The following ADAMTS6 variants were observed in gnomAD, a reference collection of about 807,000 sequenced individuals.
ADAMTS6 encodes the protein ADAM metallopeptidase with thrombospondin type 1 motif 6.
A neutral mutation model predicts 144.3 loss-of-function variants in ADAMTS6; 23 were observed. The ratio of observed to expected loss-of-function variants is 0.16; its 90% CI spans 0.11 to 0.23. The LOEUF (loss-of-function observed/expected upper bound fraction) is 0.23. ADAMTS6 is among the 10% of genes least tolerant of loss of function. The probability of loss-of-function intolerance (pLI) is 1.00; values close to 1 mark genes in which losing one functional copy is unlikely to be tolerated. For synonymous variants in ADAMTS6, 444 were observed against 457.5 expected, an observed-to-expected ratio of 0.97 and a Z score of 0.38; for missense variants, 999 against 1,379.6, an observed-to-expected ratio of 0.72 and a Z score of 4.37.
In ADAMTS6 at chr5:65,214,407, A is replaced by C. The variant is rs1756753746; in HGVS notation, c.2575+387T>G. ...ACACACACAACAAGCACACAGCCGTACATTCTCATCTCCCATTACAAGAAG... is the reference window on the plus strand; with the variant it reads ...ACACACACAACAAGCACACAGCCGTCCATTCTCATCTCCCATTACAAGAAG... On this transcript the variant is annotated intron_variant, in intron 20 of 24. Coordinates refer to ENST00000381055, the MANE Select transcript of ADAMTS6 (RefSeq NM_197941.4). This position sits in a 1 kb window ranked among gnomAD's most constrained non-coding sequence, Gnocchi z 4.6. 2.9e-6 allele frequency: 1 copy of C among 349,488 alleles called. No individual in the cohort carries two copies. Among genetic ancestry groups the C allele is most frequent in the African/African-American group, 2.1e-5 (1 of 46,800 alleles). The allele number at this position is 349,488 out of a possible 1,614,324, so 21.6% of individuals were successfully genotyped here. A position where few individuals can be genotyped will look rare whatever the true frequency, so the allele number is the denominator to read the frequency against.
intron 7 of ADAMTS6, among the ~76,000 whole-genome samples, chr5:65,445,906 C>T (rs1331527277): frequency 6.6e-6 from 1 of 152,086 alleles, no homozygotes; most frequent in Non-Finnish European, 1.5e-5. Context: ...CCAATCATTG[C>T]AATTCACTGT....
At chr5:65,351,927 T>G (rs1423227040) in intron 7 of ADAMTS6, among the ~76,000 whole-genome samples, 1 of 152,194 alleles carries the variant, frequency 6.6e-6, no homozygotes, top group Non-Finnish European at 1.5e-5. Context: ...GAAGTACACA[T>G]AGCCAGATAA....
chr5:65,244,829 G>T (rs1013355320), intron 14 of ADAMTS6, among the ~76,000 whole-genome samples: 5 of 152,222 alleles, frequency 3.3e-5, no homozygotes, highest in African/African-American at 1.2e-4. Flanking sequence ...ACAGGTTTTA[G>T]CTTCCTTAAA....
At chr5:65,456,926 T>C (rs1759255191) in intron 4 of ADAMTS6, among the ~76,000 whole-genome samples, 1 of 152,226 alleles carries the variant, frequency 6.6e-6, no homozygotes, top group Non-Finnish European at 1.5e-5. Context: ...GATAAATATG[T>C]CCTGTGTCAA....
chr5:65,281,211 G>C (rs1359028321), intron 11 of ADAMTS6, among the ~76,000 whole-genome samples: 1 of 152,024 alleles, frequency 6.6e-6, no homozygotes, highest in Admixed American at 6.6e-5. Context: ...AGCTCTGTTC[G>C]ATATCAATGT....
intron 14 of ADAMTS6, among the ~76,000 whole-genome samples, chr5:65,242,547 T>G (rs963127077): frequency 2.0e-5 from 3 of 152,110 alleles, no homozygotes; most frequent in Admixed American, 2.0e-4. Context: ...ACAAAATCCT[T>G]TGTGTTAACA....
chr5:65,200,096 A>G (rs1755637669), intron 20 of ADAMTS6, among the ~76,000 whole-genome samples: 1 of 152,168 alleles, frequency 6.6e-6, no homozygotes, highest in Admixed American at 6.5e-5. Context: ...AGAATTGACT[A>G]TATCAGTAAT....
At chr5:65,347,292 C>T (rs780791313) in intron 7 of ADAMTS6, among the ~76,000 whole-genome samples, 12 of 151,570 alleles carry the variant, frequency 7.9e-5, no homozygotes, top group Non-Finnish European at 1.5e-4. Context: ...TACCACATTT[C>T]GAAAAACAGA....
At chr5:65,196,276 C>A (rs575804897) in intron 21 of ADAMTS6, among the ~76,000 whole-genome samples, 2 of 152,138 alleles carry the variant, frequency 1.3e-5, no homozygotes, top group South Asian at 2.1e-4. Flanking sequence ...GTGGCTCATG[C>A]CTGTAATCCC....
chr5:65,275,420 G>GAAAGA (rs1762448172), intron 11 of ADAMTS6, among the ~76,000 whole-genome samples: 4 of 135,502 alleles, frequency 3.0e-5, no homozygotes, highest in African/African-American at 8.4e-5. Context: ...AGAAAGAAAA[G>GAAAGA]AAAGAAAGAA....
At chr5:65,336,971 T>C (rs1028290905) in intron 7 of ADAMTS6, among the ~76,000 whole-genome samples, 2 of 152,118 alleles carry the variant, frequency 1.3e-5, no homozygotes, top group Non-Finnish European at 2.9e-5. Context: ...ATTCTTATAA[T>C]TGCCTTCCCT....
chr5:65,226,793 G>C (rs1385704307), intron 15 of ADAMTS6, among the ~76,000 whole-genome samples: 1 of 152,134 alleles, frequency 6.6e-6, no homozygotes, highest in Admixed American at 6.5e-5. Flanking sequence ...ATGTTAGTCA[G>C]GCTGGCCTTG....
chr5:65,230,307 TATATGAA>T (rs1580125525), intron 15 of ADAMTS6, among the ~76,000 whole-genome samples: 1 of 108,968 alleles, frequency 9.2e-6, no homozygotes, highest in African/African-American at 3.8e-5. Context: ...TATATATATA[TATATGAA>T]ATATATATAA....
Position 65,452,865 on chromosome 5 carries a change from A to C in ADAMTS6, c.685T>G (p.Tyr229Asp), listed in dbSNP as rs1758862462. The C allele has an allele frequency of 1.9e-6, 3 of 1,614,098 alleles. No individual in the cohort carries two copies. Among genetic ancestry groups the C allele is most frequent in the Non-Finnish European group, 2.5e-6 (3 of 1,179,950 alleles). Residue 229 changes from tyrosine to aspartate, a missense_variant, in exon 5 of 25, where the codon TAT becomes GAT. Physicochemically the swap from Tyr to Asp is radical, Grantham distance 160. Coordinates refer to ENST00000381055, the MANE Select transcript of ADAMTS6 (RefSeq NM_197941.4). ...TGTGTGTTGTTAATTGGTAGTGAAT[A>C]AGAAACAGTGGATGTGTCATTCAGC... ...WWLNDTSTVSYSLPINNTHIH... is the reference protein window; with the variant it reads ...WWLNDTSTVSDSLPINNTHIH...
chr5:65,300,077 T>C lies in ADAMTS6; in HGVS notation c.1278A>G (p.Glu426=), dbSNP rs774594386. ...TGTGAGCTGCCATAAGTTTTGCTGC[T>C]TCATGACCTTTCGTCCCACAAGAAT... ...IGNSCGTKGH[E]AAKLMAAHIT... The change falls in exon 10 of 25, where the codon GAA becomes GAG. Residue 426 remains glutamate, a synonymous_variant. Transcript: ENST00000381055. 1.9e-6 allele frequency: 3 copies of C among 1,614,136 alleles called. No homozygotes were observed. The South Asian group carries it at 3.3e-5, about 18-fold the overall frequency.
In ADAMTS6 at chr5:65,226,086, C is replaced by T; in HGVS notation, c.2067G>A (p.Lys689=). ...CAGAAAGGAGTAAAATCTGAGCAAC[C>T]TTGCATTCTCCATTGATGCAGATAT... ...SLDICINGEC[K]HVGCDNILGS... Residue 689 remains lysine (K), a splice_region_variant and synonymous_variant, in exon 16 of 25, where the codon AAG becomes AAA. Transcript: ENST00000381055. 6.2e-7 allele frequency: 1 copy of T among 1,607,558 alleles called. No homozygotes were observed. The highest frequency in any genetic ancestry group is 8.5e-7 in the Non-Finnish European group (1 of 1,176,248).
At chr5:65,392,450 G>C (rs928924712) in intron 7 of ADAMTS6, among the ~76,000 whole-genome samples, 1 of 152,100 alleles carries the variant, frequency 6.6e-6, no homozygotes, top group African/African-American at 2.4e-5. Flanking sequence ...TTACTATAAA[G>C]AGGAACCTCT....
intron 22 of ADAMTS6, among the ~76,000 whole-genome samples, chr5:65,187,366 A>T (rs979954379): frequency 4.6e-5 from 7 of 152,168 alleles, no homozygotes; most frequent in African/African-American, 1.4e-4. Context: ...CCAAGAAAAC[A>T]TTATCTTGGT....
chr5:65,448,553 T>C (rs1204120222), intron 7 of ADAMTS6, among the ~76,000 whole-genome samples: 1 of 151,786 alleles, frequency 6.6e-6, no homozygotes, highest in Non-Finnish European at 1.5e-5. Context: ...CCCGGGTTCA[T>C]GCCATTCTCC....
Sources: allele counts gnomAD v4.1 joint callset (sites outside exome capture counted in the v4.1 genomes callset), GRCh38; gene constraint gnomAD v4.1.1; non-coding constraint Gnocchi (gnomAD v3.1); transcripts MANE v1.5; gene names NCBI Gene and HGNC (gene_info 2026-07-23, HGNC 2026-07-21).